CREB5: variants seen among roughly 807,000 people sequenced by gnomAD.
CREB5 encodes cyclic AMP-responsive element-binding protein 5.
Under a neutral mutation model 57.1 loss-of-function variants are expected in CREB5, and 19 were observed. The ratio of observed to expected loss-of-function variants is 0.33; its 90% CI spans 0.23 to 0.49. The LOEUF (loss-of-function observed/expected upper bound fraction) is 0.49. Among genes scored for constraint, CREB5 ranks in the 20% least tolerant of loss-of-function variants. The pLI, the probability that CREB5 is intolerant of heterozygous loss-of-function variation, is 0.99. For synonymous variants in CREB5, 238 were observed against 238.3 expected (o/e 1.00, Z 0.01); for missense variants, 579 against 671.6 (o/e 0.86, Z 1.52).
At chr7:28,630,453 C>T (rs1462614440) in intron 5 of CREB5, among the ~76,000 whole-genome samples, 1 of 152,174 alleles carries the variant, frequency 6.6e-6, no homozygotes, top group Non-Finnish European at 1.5e-5. Flanking sequence ...ATCCTCAAAT[C>T]TGTGCTTTTT....
chr7:28,703,418 C>A (rs531403153), intron 5 of CREB5, among the ~76,000 whole-genome samples: 1 of 152,098 alleles, frequency 6.6e-6, no homozygotes, highest in Non-Finnish European at 1.5e-5. Context: ...GATCTAAAGA[C>A]GGAGCACTGT....
intron 5 of CREB5, among the ~76,000 whole-genome samples, chr7:28,642,979 C>CACACACAG (rs1562544714): frequency 9.9e-6 from 1 of 101,186 alleles, no homozygotes; most frequent in Non-Finnish European, 2.2e-5. Flanking sequence ...CACACACACA[C>CACACACAG]ACACACATAC....
intron 5 of CREB5, among the ~76,000 whole-genome samples, chr7:28,685,248 C>G (rs1370549280): frequency 6.6e-6 from 1 of 152,154 alleles, no homozygotes; most frequent in African/African-American, 2.4e-5. Flanking sequence ...GAGTGCTAAT[C>G]TCAGAAAGGC....
At chr7:28,623,274 A>G (rs1400945751) in intron 5 of CREB5, among the ~76,000 whole-genome samples, 1 of 152,236 alleles carries the variant, frequency 6.6e-6, no homozygotes, top group Non-Finnish European at 1.5e-5. Context: ...ATACGTTCTG[A>G]GCATGCACAC....
chr7:28,785,375 A>G (rs73079960), intron 7 of CREB5, among the ~76,000 whole-genome samples: 8,710 of 152,300 alleles, frequency 0.057, 287 homozygotes, highest in Middle Eastern at 0.078. Context: ...GCGTGAATGC[A>G]GGGTTCTCGA....
At chr7:28,493,871 C>T (rs1791908935) in intron 2 of CREB5, among the ~76,000 whole-genome samples, 1 of 152,164 alleles carries the variant, frequency 6.6e-6, no homozygotes, top group Admixed American at 6.5e-5. Flanking sequence ...TCATGTTACT[C>T]TAAAATCATA....
chr7:28,769,558 G>A (rs911623075), intron 7 of CREB5, among the ~76,000 whole-genome samples: 1 of 152,074 alleles, frequency 6.6e-6, no homozygotes, highest in Admixed American at 6.5e-5. Context: ...ATATGTCGTA[G>A]GGCCCCAAGG....
intron 7 of CREB5, among the ~76,000 whole-genome samples, chr7:28,793,091 C>T (rs1807823979): frequency 6.6e-6 from 1 of 152,122 alleles, no homozygotes; most frequent in Admixed American, 6.5e-5. Flanking sequence ...CTCTCTCTCT[C>T]ACTTCCCCTA....
intron 1 of CREB5, among the ~76,000 whole-genome samples, chr7:28,360,857 G>A (rs988682728): frequency 5.3e-5 from 8 of 152,134 alleles, no homozygotes; most frequent in African/African-American, 1.9e-4. Flanking sequence ...GGTGTGTGAT[G>A]GGAAAAATAG....
intron 1 of CREB5, among the ~76,000 whole-genome samples, chr7:28,390,569 C>T (rs1028209015): frequency 6.6e-6 from 1 of 152,044 alleles, no homozygotes; most frequent in Non-Finnish European, 1.5e-5. Context: ...TACTTTTAAC[C>T]GTGGGGTTTT....
intron 5 of CREB5, among the ~76,000 whole-genome samples, chr7:28,674,760 G>A (rs979506261): frequency 3.9e-5 from 6 of 152,146 alleles, no homozygotes; most frequent in East Asian, 1.9e-4. Flanking sequence ...GTCCAATCTC[G>A]AATTCTTTCC....
At chr7:28,604,085 A>G (rs1797026748) in intron 5 of CREB5, among the ~76,000 whole-genome samples, 1 of 152,188 alleles carries the variant, frequency 6.6e-6, no homozygotes, top group South Asian at 2.1e-4. Flanking sequence ...AATCCAGGTA[A>G]GACAGGATTT....
intron 1 of CREB5, among the ~76,000 whole-genome samples, chr7:28,462,726 C>G (rs1790399545): frequency 6.6e-6 from 1 of 152,086 alleles, no homozygotes; most frequent in Non-Finnish European, 1.5e-5. Flanking sequence ...ATAGAAGTAT[C>G]TATTCAAATC....
At chr7:28,413,514 C>T (rs1462217806) in intron 1 of CREB5, among the ~76,000 whole-genome samples, 1 of 151,960 alleles carries the variant, frequency 6.6e-6, no homozygotes, top group Non-Finnish European at 1.5e-5. Flanking sequence ...TTTTTAAATC[C>T]TTACTGATTA....
chr7:28,598,504 A>G (rs1455942303), intron 5 of CREB5, among the ~76,000 whole-genome samples: 1 of 152,138 alleles, frequency 6.6e-6, no homozygotes, highest in Non-Finnish European at 1.5e-5. Flanking sequence ...CCTGTGGATT[A>G]TTTCTATGAT....
intron 7 of CREB5, among the ~76,000 whole-genome samples, chr7:28,744,442 C>T (rs1035862811): frequency 2.0e-5 from 3 of 146,674 alleles, no homozygotes; most frequent in East Asian, 2.0e-4. Context: ...CCGCCTCCCA[C>T]GTTCAAGCGA....
intron 1 of CREB5, among the ~76,000 whole-genome samples, chr7:28,313,657 G>A (rs1490017791): frequency 1.3e-5 from 2 of 152,156 alleles, no homozygotes; most frequent in East Asian, 3.9e-4. Context: ...TTCTGTGGAA[G>A]GTGGGAATAA....
chr7:28,422,212 G>A (rs1267460895), intron 1 of CREB5, among the ~76,000 whole-genome samples: 1 of 152,116 alleles, frequency 6.6e-6, no homozygotes, highest in Non-Finnish European at 1.5e-5. Context: ...TATTCTCTGT[G>A]CTTCGGGGAA....
chr7:28,745,729 G>A (rs1246211246), intron 7 of CREB5, among the ~76,000 whole-genome samples: 1 of 152,232 alleles, frequency 6.6e-6, no homozygotes, highest in African/African-American at 2.4e-5. Flanking sequence ...GAGCTGTCTA[G>A]ACAGGAGAGA....
Sources: gnomAD v4.1 joint callset for allele counts (sites outside exome capture counted in the v4.1 genomes callset) on GRCh38, gnomAD v4.1.1 for gene constraint, MANE v1.5 for transcripts, NCBI Gene and HGNC (gene_info 2026-07-23, HGNC 2026-07-21) for gene names.